Variants in TBC1D30 observed in about 807,000 individuals in gnomAD.
TBC1D30 encodes the protein TBC1 domain family, member 30.
A neutral mutation model predicts 63.2 loss-of-function variants in TBC1D30; 31 were observed. The ratio of observed to expected loss-of-function variants is 0.49; its 90% confidence interval spans 0.37 to 0.66. The LOEUF (loss-of-function observed/expected upper bound fraction) is 0.66, where lower values mean the gene tolerates loss of function less well. TBC1D30 is among the 30% of genes least tolerant of loss of function. The pLI is 0.00. For missense variants in TBC1D30, 810 were observed against 953.6 expected, an observed-to-expected ratio of 0.85 and a Z score of 1.98; for synonymous variants, 307 against 361.5, an observed-to-expected ratio of 0.85 and a Z score of 1.71.
Position 64,864,729 on chromosome 12 carries a change from C to T in TBC1D30, c.1100C>T (p.Thr367Ile), listed in dbSNP as rs747881898. The change falls in exon 9 of 12, where the codon ACC becomes ATC. Residue 367 changes from threonine (T) to isoleucine (I), a missense_variant. By Grantham distance (89) the Thr-to-Ile change is moderately conservative. Coordinates refer to ENST00000539867, the MANE Select transcript of TBC1D30 (RefSeq NM_015279.2). Reference protein sequence around the residue: ...PQLAELREKYTYNITPFPATV... With the variant: ...PQLAELREKYIYNITPFPATV... ...TTGGCAGAGTTGAGGGAAAAATACACCTACAACATTACACCGTTCCCAGCC... is the reference window on the plus strand; with the variant it reads ...TTGGCAGAGTTGAGGGAAAAATACATCTACAACATTACACCGTTCCCAGCC... 3 of 1,536,250 alleles carry T rather than the reference C, an allele frequency of 2.0e-6. No individual in the cohort carries two copies. The highest frequency in any genetic ancestry group is 2.6e-6 in the Non-Finnish European group (3 of 1,146,922).
intron 7 of TBC1D30, 48 bp from the exon 8 acceptor site, chr12:64,843,332 G>C: frequency 6.8e-7 from 1 of 1,469,972 alleles, no homozygotes; most frequent in Non-Finnish European, 9.2e-7. Context: ...CTGTTACACA[G>C]CATGGATGCC....
chr12:64,793,267 T>C, intron 2 of TBC1D30, among the ~76,000 whole-genome samples: 1 of 149,716 alleles, frequency 6.7e-6, no homozygotes, highest in East Asian at 2.0e-4. Flanking sequence ...CACATGAGCC[T>C]GGGAAGCAGA....
Position 64,828,430 on chromosome 12 carries a change from T to A in TBC1D30, c.217-14T>A, listed in dbSNP as rs1241166557. The A allele has an allele frequency of 2.6e-6, 4 of 1,533,490 alleles. No homozygotes were observed. Among genetic ancestry groups the A allele is most frequent in the Non-Finnish European group, 3.5e-6 (4 of 1,144,668 alleles). 95.0% of individuals were successfully genotyped at this position (1,533,490 alleles called of 1,614,324 possible). A position where few individuals can be genotyped will look rare whatever the true frequency, so the allele number is the denominator to read the frequency against. Reference sequence around the variant, plus strand: ...CACTGTGATCACCTCCTGGGATTTCTTCTTTGTTCCTAGTGGTACGATGCT... The same window carrying A: ...CACTGTGATCACCTCCTGGGATTTCATCTTTGTTCCTAGTGGTACGATGCT... On this transcript the variant is annotated splice_polypyrimidine_tract_variant and intron_variant, in intron 2 of 11. Transcript: ENST00000539867.
upstream of TBC1D30, among the ~76,000 whole-genome samples, chr12:64,820,891 A>G (rs1374663138): frequency 6.6e-6 from 1 of 152,216 alleles, no homozygotes; most frequent in Non-Finnish European, 1.5e-5. Flanking sequence ...TTCCTCTCCA[A>G]TGTAAACAAA....
At chr12:64,854,476 C>G (rs1388150331) in intron 8 of TBC1D30, among the ~76,000 whole-genome samples, 2 of 150,668 alleles carry the variant, frequency 1.3e-5, no homozygotes, top group Non-Finnish European at 2.9e-5. Context: ...ATTGGTTCAG[C>G]ATTTAGTCTT....
intron 2 of TBC1D30, among the ~76,000 whole-genome samples, chr12:64,796,127 C>T (rs1375740684): frequency 3.3e-5 from 5 of 150,730 alleles, no homozygotes; most frequent in Non-Finnish European, 7.4e-5. Flanking sequence ...AGCTCTTTAG[C>T]ATCTTAAAGT....
chr12:64,807,850 A>G (rs1872960699), intron 2 of TBC1D30, among the ~76,000 whole-genome samples: 1 of 151,176 alleles, frequency 6.6e-6, no homozygotes, highest in Admixed American at 6.6e-5. Context: ...GGCTCAAGGA[A>G]GGCATCTTCC....
intron 8 of TBC1D30, among the ~76,000 whole-genome samples, chr12:64,851,567 T>C (rs1876877690): frequency 6.6e-6 from 1 of 152,200 alleles, no homozygotes. Context: ...TAGATCATTA[T>C]GATGCTAGCT....
At chr12:64,802,296 C>G (rs534282137) in intron 2 of TBC1D30, among the ~76,000 whole-genome samples, 11 of 152,116 alleles carry the variant, frequency 7.2e-5, no homozygotes, top group African/African-American at 2.2e-4. Flanking sequence ...TGTTGCTGTC[C>G]CTGGGCACCT....
chr12:64,850,412 T>C (rs1876766151), intron 8 of TBC1D30, among the ~76,000 whole-genome samples: 1 of 152,200 alleles, frequency 6.6e-6, no homozygotes, highest in African/African-American at 2.4e-5. Flanking sequence ...GGCTGTGGGT[T>C]TGTCATAAAT....
intron 8 of TBC1D30, among the ~76,000 whole-genome samples, chr12:64,863,885 G>A (rs1435274567): frequency 6.6e-6 from 1 of 152,190 alleles, no homozygotes; most frequent in Non-Finnish European, 1.5e-5. Flanking sequence ...AAATGAACAT[G>A]TGATTGATAT....
chr12:64,811,364 G>A (rs1258386619), intron 2 of TBC1D30, among the ~76,000 whole-genome samples: 1 of 152,208 alleles, frequency 6.6e-6, no homozygotes, highest in Admixed American at 6.5e-5. Context: ...TGATTATACT[G>A]AGTCTGCATC....
intron 2 of TBC1D30, among the ~76,000 whole-genome samples, chr12:64,793,115 G>T (rs574158160): frequency 6.6e-6 from 1 of 152,208 alleles, no homozygotes; most frequent in African/African-American, 2.4e-5. Context: ...TGAAGCAGGA[G>T]GGATTGCTTG....
chr12:64,781,170 C>T, exon 1 of TBC1D30: 1 of 1,039,992 alleles, frequency 9.6e-7, no homozygotes, highest in Non-Finnish European at 1.2e-6. Flanking sequence ...TCCACCGAGG[C>T]CTCGGGCTCC....
At chr12:64,814,909 G>T (rs926038153) in intron 2 of TBC1D30, among the ~76,000 whole-genome samples, 1 of 152,150 alleles carries the variant, frequency 6.6e-6, no homozygotes, top group Admixed American at 6.6e-5. Context: ...TATTTATGAT[G>T]GTAAAGATAA....
At chr12:64,785,234 C>A (rs147848829) in intron 1 of TBC1D30, among the ~76,000 whole-genome samples, 53 of 151,360 alleles carry the variant, frequency 3.5e-4, no homozygotes, top group African/African-American at 1.2e-3. Flanking sequence ...TCACTGCAGC[C>A]TCCTCCTCTC....
At chr12:64,834,707 C>CTTTTTTTTTTTTT (rs11374555) in intron 5 of TBC1D30, among the ~76,000 whole-genome samples, 4 of 76,318 alleles carry the variant, frequency 5.2e-5, no homozygotes, top group Non-Finnish European at 7.5e-5. Flanking sequence ...CCGTGCCGGG[C>CTTTTTTTTTTTTT]TTTTTTTTTT....
At position 64,878,323 on chromosome 12, in the gene TBC1D30, G is replaced by A. The variant is rs1451825596; in HGVS notation, c.*2535G>A. Reference sequence around the variant, plus strand: ...TACCACACAGCATGTACAAAGACCAGTATGGACTTGCTATCTTCCCTATGT... The same window carrying A: ...TACCACACAGCATGTACAAAGACCAATATGGACTTGCTATCTTCCCTATGT... On this transcript the variant is annotated 3_prime_UTR_variant, in exon 12 of 12. Coordinates refer to ENST00000539867, the MANE Select transcript of TBC1D30 (RefSeq NM_015279.2). The A allele has an allele frequency of 5.0e-6, 2 of 403,284 alleles. No homozygotes were observed. The highest frequency in any genetic ancestry group is 5.6e-5 in the Admixed American group (2 of 35,814). The allele number at this position is 403,284 out of a possible 1,614,324, so 25.0% of individuals were successfully genotyped here.
intron 1 of TBC1D30, among the ~76,000 whole-genome samples, chr12:64,782,688 A>C (rs1592535722): frequency 6.6e-6 from 1 of 152,224 alleles, no homozygotes; most frequent in East Asian, 1.9e-4. Context: ...AGTTTAAAGA[A>C]GTAGTAACGG....
Sources: allele counts gnomAD v4.1 joint callset (sites outside exome capture counted in the v4.1 genomes callset), GRCh38; gene constraint gnomAD v4.1.1; transcripts MANE v1.5; gene names NCBI Gene and HGNC (gene_info 2026-07-23, HGNC 2026-07-21).